The following AGBL4 variants were observed in gnomAD, a reference collection of about 807,000 sequenced individuals.
AGBL4 encodes the protein AGBL carboxypeptidase 4.
In AGBL4, 58 loss-of-function variants were observed where a neutral mutation model predicts 66.4. That is an observed-to-expected ratio of 0.87 (90% CI 0.71 to 1.09). The LOEUF (loss-of-function observed/expected upper bound fraction) is 1.09, where lower values mean the gene tolerates loss of function less well. AGBL4 is among the 50% of genes least tolerant of loss of function. The pLI, the probability that AGBL4 is intolerant of heterozygous loss-of-function variation, is 0.00. For synonymous variants in AGBL4, 234 were observed against 222.9 expected, an observed-to-expected ratio of 1.05 and a Z score of -0.44; for missense variants, 579 against 631.0, an observed-to-expected ratio of 0.92 and a Z score of 0.88.
intron 6 of AGBL4, among the ~76,000 whole-genome samples, chr1:48,714,536 A>T (rs1647017602): frequency 6.6e-6 from 1 of 151,848 alleles, no homozygotes; most frequent in South Asian, 2.1e-4. Flanking sequence ...CCAGCCTTCC[A>T]CATTTCTTGC....
intron 3 of AGBL4, among the ~76,000 whole-genome samples, chr1:49,264,076 T>C (rs898248235): frequency 6.6e-6 from 1 of 152,064 alleles, no homozygotes; most frequent in Admixed American, 6.5e-5. Context: ...AATCCAAGTA[T>C]AATAAAAATA....
At chr1:49,567,072 G>A (rs535091645) in intron 3 of AGBL4, among the ~76,000 whole-genome samples, 1 of 152,338 alleles carries the variant, frequency 6.6e-6, no homozygotes, top group East Asian at 1.9e-4. Context: ...CAATGAGCGA[G>A]GCTCCGTGGG....
chr1:48,817,759 T>TG, intron 6 of AGBL4: 1 of 364,464 alleles, frequency 2.7e-6, no homozygotes, highest in Non-Finnish European at 4.9e-6. Flanking sequence ...AAGCCCAGCC[T>TG]GGTGCTGCAG....
intron 2 of AGBL4, among the ~76,000 whole-genome samples, chr1:49,718,076 T>C (rs1025184317): frequency 6.6e-6 from 1 of 152,024 alleles, no homozygotes; most frequent in Non-Finnish European, 1.5e-5. Flanking sequence ...TAAAAGTGGG[T>C]GATATGGTTC....
At chr1:48,822,680 C>G (rs1646342439) in intron 6 of AGBL4, among the ~76,000 whole-genome samples, 1 of 152,156 alleles carries the variant, frequency 6.6e-6, no homozygotes, top group African/African-American at 2.4e-5. Context: ...TCCAAATAAA[C>G]AAACAAACAA....
At chr1:49,587,689 C>A (rs951588999) in intron 3 of AGBL4, among the ~76,000 whole-genome samples, 1 of 152,028 alleles carries the variant, frequency 6.6e-6, no homozygotes, top group Non-Finnish European at 1.5e-5. Context: ...GGCAACACAA[C>A]AGGTGTATAT....
intron 5 of AGBL4, among the ~76,000 whole-genome samples, chr1:48,913,050 A>G (rs1452046547): frequency 6.6e-6 from 1 of 152,222 alleles, no homozygotes; most frequent in Non-Finnish European, 1.5e-5. Flanking sequence ...ATGCATTCAA[A>G]TAACTATGAA....
At chr1:48,568,249 T>C (rs1228196772) in intron 11 of AGBL4, among the ~76,000 whole-genome samples, 3 of 152,110 alleles carry the variant, frequency 2.0e-5, no homozygotes, top group Non-Finnish European at 4.4e-5. Context: ...TCTCTTGCAC[T>C]CTCTCCCCTA....
chr1:48,913,041 T>G (rs569049833), intron 5 of AGBL4, among the ~76,000 whole-genome samples: 1 of 152,186 alleles, frequency 6.6e-6, no homozygotes, highest in South Asian at 2.1e-4. Context: ...GAAAGCAAGA[T>G]GCATTCAAAT....
intron 3 of AGBL4, among the ~76,000 whole-genome samples, chr1:49,483,091 C>T (rs943473084): frequency 1.3e-5 from 2 of 152,000 alleles, no homozygotes; most frequent in Non-Finnish European, 2.9e-5. Context: ...AATGTATATT[C>T]TGTTATTTCT....
chr1:49,563,598 T>G (rs1644111238), intron 3 of AGBL4, among the ~76,000 whole-genome samples: 1 of 152,204 alleles, frequency 6.6e-6, no homozygotes, highest in African/African-American at 2.4e-5. Flanking sequence ...TCTGTTTATA[T>G]GCTGGATTAC....
chr1:49,035,063 T>G (rs1031890701), intron 5 of AGBL4, among the ~76,000 whole-genome samples: 2 of 152,148 alleles, frequency 1.3e-5, no homozygotes, highest in Non-Finnish European at 2.9e-5. Flanking sequence ...TAAGCTAATA[T>G]GGTATTCTGA....
intron 4 of AGBL4, among the ~76,000 whole-genome samples, chr1:49,209,775 G>T (rs1648525148): frequency 6.6e-6 from 1 of 151,994 alleles, no homozygotes; most frequent in African/African-American, 2.4e-5. Flanking sequence ...TTTCAGAAAA[G>T]GATCAACATA....
rs181903792 is a variant in AGBL4, at chr1:49,023,035, T to C, written c.594+22549A>G. Among the ~76,000 whole-genome samples the C allele has an allele frequency of 3.3e-5, 5 of 152,296 alleles. No homozygotes were observed. The East Asian group carries it at 9.7e-4, about 29-fold the overall frequency. ...AGCCCTTGGTCTTTTCATTAAGCCA[T>C]ATTGAAAGCATAGTAAAAGGGTTAC... On this transcript the variant is annotated intron_variant, in intron 5 of 13. Coordinates refer to ENST00000371839, the MANE Select transcript of AGBL4 (RefSeq NM_032785.4).
chr1:49,941,611 G>A (rs1654764533), intron 1 of AGBL4, among the ~76,000 whole-genome samples: 1 of 151,908 alleles, frequency 6.6e-6, no homozygotes, highest in Non-Finnish European at 1.5e-5. Flanking sequence ...CCCATTAATA[G>A]AATAAAAGAT....
intron 5 of AGBL4, among the ~76,000 whole-genome samples, chr1:48,876,418 A>T (rs542025388): frequency 1.3e-5 from 2 of 152,302 alleles, no homozygotes; most frequent in East Asian, 3.9e-4. Context: ...ATCAAGAGGC[A>T]GCGAGAGGAA....
intron 6 of AGBL4, among the ~76,000 whole-genome samples, chr1:48,678,706 A>G (rs1238330038): frequency 1.3e-5 from 2 of 152,172 alleles, no homozygotes; most frequent in Non-Finnish European, 2.9e-5. Flanking sequence ...GGCAATAACA[A>G]AGGTGGTAAA....
intron 3 of AGBL4, among the ~76,000 whole-genome samples, chr1:49,351,616 T>C (rs1445647445): frequency 6.6e-6 from 1 of 152,184 alleles, no homozygotes; most frequent in East Asian, 1.9e-4. Flanking sequence ...ATTTAAATCA[T>C]CCAACTCTCA....
intron 5 of AGBL4, among the ~76,000 whole-genome samples, chr1:48,879,161 CT>C (rs1257163113): frequency 6.6e-6 from 1 of 151,196 alleles, no homozygotes; most frequent in Non-Finnish European, 1.5e-5. Context: ...AAAATGATAC[CT>C]TTTGTTACAT....
Sources: allele counts gnomAD v4.1 joint callset (sites outside exome capture counted in the v4.1 genomes callset), GRCh38; gene constraint gnomAD v4.1.1; transcripts MANE v1.5; gene names NCBI Gene and HGNC (gene_info 2026-07-23, HGNC 2026-07-21).